ATG2A: variants seen among roughly 807,000 people sequenced by gnomAD.
The protein encoded by ATG2A is autophagy related 2A.
In ATG2A, 103 loss-of-function variants were observed where a neutral mutation model predicts 214.2. That is an observed-to-expected ratio of 0.48 (90% CI 0.41 to 0.57). ATG2A has a LOEUF of 0.57. Among genes scored for constraint, ATG2A ranks in the 20% least tolerant of loss-of-function variants. The pLI, the probability that ATG2A is intolerant of heterozygous loss-of-function variation, is 0.00. For missense variants in ATG2A, 2,312 were observed against 2,613.2 expected (o/e 0.88, Z 2.51); for synonymous variants, 1,160 against 1,142.1 (o/e 1.02, Z -0.32).
intron 6 of ATG2A, 141 bp downstream of exon 6, chr11:64,912,897 C>T: frequency 1.5e-6 from 1 of 685,248 alleles, no homozygotes; most frequent in Non-Finnish European, 2.4e-6. Flanking sequence ...TGGCCTACAG[C>T]CTCAGTTTCT....
Position 64,903,766 on chromosome 11 carries a change from C to T in ATG2A, c.3465-106G>A, listed in dbSNP as rs1944444074. ...GCCCACAGGAGGTGGTATGGACAGG[C>T]CCCTCCAGCCTCAGCGTTCCTGCCT... On this transcript the variant is annotated intron_variant, in intron 24 of 40. Transcript: ENST00000377264. The surrounding 1 kb of genome is among the most constrained non-coding windows in gnomAD (Gnocchi z 4.2). The T allele has an allele frequency of 9.2e-7, 1 of 1,091,354 alleles. No individual in the cohort carries two copies. The highest frequency in any genetic ancestry group is 1.6e-5 in the South Asian group (1 of 61,386). 67.6% of individuals were successfully genotyped at this position (1,091,354 alleles called of 1,614,324 possible). A position where few individuals can be genotyped will look rare whatever the true frequency, so the allele number is the denominator to read the frequency against.
chr11:64,906,395 C>G lies in ATG2A; in HGVS notation c.3122G>C (p.Arg1041Pro), dbSNP rs746407881. 8.1e-6 allele frequency: 13 copies of G among 1,613,276 alleles called. 1 individual carries two copies. The South Asian group carries it at 1.3e-4, about 16-fold the overall frequency. ...AGCAGTGGACAACATGTGGGGTCCCCGGCCCTGGCCCTTGCGGCCCGAGGC... is the reference window on the plus strand; with the variant it reads ...AGCAGTGGACAACATGTGGGGTCCCGGGCCCTGGCCCTTGCGGCCCGAGGC... ...RGASGRKGQGRGPHMLSTAVR... is the reference protein window; with the variant it reads ...RGASGRKGQGPGPHMLSTAVR... The change falls in exon 21 of 41, where the codon CGG (arginine) becomes CCG (proline). Residue 1041 changes from arginine to proline, a missense_variant. Coordinates refer to ENST00000377264, the MANE Select transcript of ATG2A (RefSeq NM_015104.3).
At chr11:64,912,521 G>T in intron 6 of ATG2A, 98 bp from the exon 7 acceptor site, 1 of 1,048,778 alleles carries the variant, frequency 9.5e-7, no homozygotes, top group Non-Finnish European at 1.3e-6. Flanking sequence ...GCAGGATGCT[G>T]GCTACCAAAC....
chr11:64,894,750 G>A lies in ATG2A; in HGVS notation c.*223C>T. 1.4e-6 allele frequency: 1 copy of A among 713,206 alleles called. No individual in the cohort carries two copies. The highest frequency in any genetic ancestry group is 2.5e-6 in the Non-Finnish European group (1 of 395,110). The allele number at this position is 713,206 out of a possible 1,614,324, so 44.2% of individuals were successfully genotyped here. On this transcript the variant is annotated 3_prime_UTR_variant, in exon 41 of 41. Transcript: ENST00000377264. ...AGTGTGGGCCCAGGTCGGGGGAGGG[G>A]CAGTGTCCTTTCTCCCCGGAGGAAA...
rs558437609 is a variant in ATG2A, at chr11:64,905,776, G to C, written c.3337C>G (p.His1113Asp). The C allele has an allele frequency of 6.2e-7, 1 of 1,613,924 alleles. No individual in the cohort carries two copies. The highest frequency in any genetic ancestry group is 1.3e-5 in the African/African-American group (1 of 75,050). The change falls in exon 23 of 41, where the codon CAC becomes GAC. Residue 1113 changes from histidine to aspartate, a missense_variant. Coordinates refer to ENST00000377264, the MANE Select transcript of ATG2A (RefSeq NM_015104.3). Reference protein sequence around the residue: ...YLPPTVITILHTHLFSCSVDY... With the variant: ...YLPPTVITILDTHLFSCSVDY... ...ACAGAGCAGGAGAACAGGTGTGTGT[G>C]CAGGATGGTGATGACCGTCGGGGGC...
Position 64,907,898 on chromosome 11 carries a change from G to C in ATG2A, c.2365-8C>G, listed in dbSNP as rs770035091. 6.2e-7 allele frequency: 1 copy of C among 1,610,734 alleles called. No homozygotes were observed. The highest frequency in any genetic ancestry group is 8.5e-7 in the Non-Finnish European group (1 of 1,179,056). ...GTCTCCAGGGATCACCATCTGGACAGGGTGAGGTGGAAAGAGCAGGAGAGT... is the reference window on the plus strand; with the variant it reads ...GTCTCCAGGGATCACCATCTGGACACGGTGAGGTGGAAAGAGCAGGAGAGT... On this transcript the variant is annotated splice_region_variant and splice_polypyrimidine_tract_variant and intron_variant, in intron 16 of 40. Transcript: ENST00000377264.
intron 31 of ATG2A, among the ~76,000 whole-genome samples, 184 bp downstream of exon 31, chr11:64,900,310 C>T (rs1944307115): frequency 1.3e-5 from 2 of 152,088 alleles, no homozygotes; most frequent in East Asian, 1.9e-4. Flanking sequence ...TCCACCCCTG[C>T]AGACTCTCCC....
Position 64,914,352 on chromosome 11 carries a change from G to T in ATG2A, c.320C>A (p.Pro107His). The change falls in exon 2 of 41, where the codon CCC becomes CAC. Residue 107 changes from proline (P) to histidine (H), a missense_variant. Coordinates refer to ENST00000377264, the MANE Select transcript of ATG2A (RefSeq NM_015104.3). ...RVSGLQLTLQPRRGPAPGAAD... is the reference protein window; with the variant it reads ...RVSGLQLTLQHRRGPAPGAAD... ...CCTGCCCTCACCTGGACCCCGGCGG[G>T]GCTGCAAGGTGAGCTGGAGGCCGGA... The T allele has an allele frequency of 6.2e-7, 1 of 1,605,966 alleles. No individual in the cohort carries two copies. Among genetic ancestry groups the T allele is most frequent in the African/African-American group, 1.3e-5 (1 of 74,972 alleles).
rs765085399 is a variant in ATG2A, at chr11:64,898,814, G to A, written c.4493C>T (p.Ala1498Val). ...GGCCGCAGGGCCTGTGGCTGGCTCC[G>A]CTGGGTACACCTCGTGCTGGAAGCT... is the stretch of plus-strand genomic sequence containing the variant. Reference protein sequence around the residue: ...KVSFQHEVYPAEPATGPAAPS... With the variant: ...KVSFQHEVYPVEPATGPAAPS... The change falls in exon 32 of 41, where the codon GCG becomes GTG. Residue 1498 changes from alanine to valine, a missense_variant. Ala to Val is a moderately conservative substitution (Grantham distance 64). Transcript: ENST00000377264. This position sits in a 1 kb window ranked among gnomAD's most constrained non-coding sequence, Gnocchi z 4.5. The A allele has an allele frequency of 1.2e-4, 189 of 1,612,038 alleles. 1 individual carries two copies. In the Admixed American group the frequency reaches 2.9e-3, roughly 25 times the overall value.
At position 64,894,972 on chromosome 11, in the gene ATG2A, C is replaced by T. The variant is rs372701278; in HGVS notation, c.*1G>A. 4.4e-5 allele frequency: 71 copies of T among 1,611,622 alleles called. No homozygotes were observed. In the African/African-American group the frequency reaches 8.4e-4, roughly 19 times the overall value. The stretch of plus-strand genomic sequence containing the variant: ...CCCTCTGGGTGCCGGGCACCCCAGG[C>T]TCAGTCTTGGGCACTGTCCGAGCGC... On this transcript the variant is annotated 3_prime_UTR_variant, in exon 41 of 41. Coordinates refer to ENST00000377264, the MANE Select transcript of ATG2A (RefSeq NM_015104.3).
chr11:64,902,896 AAGGAAGC>A (rs1944408689), intron 26 of ATG2A, among the ~76,000 whole-genome samples: 3 of 152,250 alleles, frequency 2.0e-5, no homozygotes, highest in African/African-American at 7.2e-5. Context: ...AGGGCCATCC[AAGGAAGC>A]AGGAGTGTGC....
At position 64,912,431 on chromosome 11, in the gene ATG2A, C is replaced by A. The variant is rs959139088; in HGVS notation, c.826-8G>T. On this transcript the variant is annotated splice_polypyrimidine_tract_variant and splice_region_variant and intron_variant, in intron 6 of 40. Transcript: ENST00000377264. ...CTGTCCCGCCACCTCCAACTGGGGG[C>A]CAAGGAGGCAGCCATGGAGCCTAGG... The A allele has an allele frequency of 1.3e-6, 2 of 1,545,590 alleles. No homozygotes were observed. Among genetic ancestry groups the A allele is most frequent in the Non-Finnish European group, 1.7e-6 (2 of 1,145,418 alleles).
At chr11:64,914,631 G>T in intron 1 of ATG2A, 131 bp from the exon 2 acceptor site, 1 of 1,204,910 alleles carries the variant, frequency 8.3e-7, no homozygotes, top group Non-Finnish European at 1.2e-6. Flanking sequence ...TTATCTACAA[G>T]GTCCCACCTA....
rs1325816012 is a variant in ATG2A at position 64,895,503 on chromosome 11, C to A, written c.5428-61G>T. On this transcript the variant is annotated intron_variant, in intron 39 of 40. Transcript: ENST00000377264. The surrounding 1 kb of genome is among the most constrained non-coding windows in gnomAD (Gnocchi z 5.0). Reference sequence around the variant, plus strand: ...GCTGGGGCACACGTCAGCCCCAGGCCCCCAGGACAGTCTGAGACCCCACCA... The same window carrying A: ...GCTGGGGCACACGTCAGCCCCAGGCACCCAGGACAGTCTGAGACCCCACCA... 17 of 1,462,262 alleles carry A rather than the reference C, an allele frequency of 1.2e-5. No homozygotes were observed. In the African/African-American group the frequency reaches 2.3e-4, roughly 19 times the overall value. The allele number at this position is 1,462,262 out of a possible 1,614,324, so 90.6% of individuals were successfully genotyped here. A position where few individuals can be genotyped will look rare whatever the true frequency, so the allele number is the denominator to read the frequency against.
Position 64,901,067 on chromosome 11 carries a change from G to A in ATG2A, c.4145C>T (p.Thr1382Ile). The change falls in exon 30 of 41, where the codon ACA becomes ATA. Residue 1382 changes from threonine (T) to isoleucine (I), a missense_variant. Coordinates refer to ENST00000377264, the MANE Select transcript of ATG2A (RefSeq NM_015104.3). ...AACGATGGGGCCGGGATGCAGCTGT[G>A]TCACCACAGGCTCCCCATCTCGGGG... The part of the protein sequence containing the change: ...IPPRDGEPVV[T>I]QLHPGPIVVR... 1 of 1,575,878 alleles carries A rather than the reference G, an allele frequency of 6.3e-7. No homozygotes were observed. The highest frequency in any genetic ancestry group is 2.3e-5 in the East Asian group (1 of 42,610).
intron 24 of ATG2A, among the ~76,000 whole-genome samples, chr11:64,904,305 T>C (rs777883336): frequency 4.0e-5 from 6 of 150,184 alleles, no homozygotes; most frequent in Non-Finnish European, 7.4e-5. Flanking sequence ...CCAGCACTTT[T>C]GGAGGCCAAG....
intron 1 of ATG2A, among the ~76,000 whole-genome samples, chr11:64,915,115 A>G (rs900255326): frequency 6.9e-6 from 1 of 144,744 alleles, no homozygotes; most frequent in African/African-American, 2.6e-5. Flanking sequence ...AGAGGGGCTG[A>G]CCTAATGCCA....
rs1160548506 is a variant in ATG2A, at chr11:64,907,607, G to A, written c.2565C>T (p.Pro855=). The A allele has an allele frequency of 8.8e-6, 14 of 1,597,218 alleles. No homozygotes were observed. Among genetic ancestry groups the A allele is most frequent in the East Asian group, 2.3e-5 (1 of 44,352 alleles). Residue 855 remains proline (P), a synonymous_variant, in exon 18 of 41, where the codon CCC becomes CCT. Coordinates refer to ENST00000377264, the MANE Select transcript of ATG2A (RefSeq NM_015104.3). ...EPADLLPTPD[P]AAQPSGFPGP... The stretch of plus-strand genomic sequence containing the variant: ...CGGGGAAGCCCGAGGGCTGGGCGGC[G>A]GGGTCGGGGGTGGGAAGCAGATCTG...
At position 64,914,424 on chromosome 11, in the gene ATG2A, G is replaced by T; in HGVS notation, c.248C>A (p.Ala83Asp). 1.2e-6 allele frequency: 2 copies of T among 1,612,424 alleles called. No individual in the cohort carries two copies. The highest frequency in any genetic ancestry group is 1.7e-6 in the Non-Finnish European group (2 of 1,179,654). ...VEGFVGSIEV[A>D]VPWAALLTDH... Reference sequence around the variant, plus strand: ...GGTGAGCAGAGCAGCCCAGGGCACGGCCACCTCGATGGAGCCCACGAAGCC... The same window carrying T: ...GGTGAGCAGAGCAGCCCAGGGCACGTCCACCTCGATGGAGCCCACGAAGCC... Residue 83 changes from alanine (A) to aspartate (D), a missense_variant, in exon 2 of 41, where the codon GCC (alanine) becomes GAC (aspartate). Coordinates refer to ENST00000377264, the MANE Select transcript of ATG2A (RefSeq NM_015104.3).
Sources: allele counts gnomAD v4.1 joint callset (sites outside exome capture counted in the v4.1 genomes callset), GRCh38; gene constraint gnomAD v4.1.1; non-coding constraint Gnocchi (gnomAD v3.1); transcripts MANE v1.5; gene names NCBI Gene and HGNC (gene_info 2026-07-23, HGNC 2026-07-21).